STAM: variants seen among roughly 807,000 people sequenced by gnomAD.
STAM encodes the protein signal transducing adaptor molecule, also known as signal transducing adapter molecule 1.
A neutral mutation model predicts 63.4 loss-of-function variants in STAM; 16 were observed. The ratio of observed to expected loss-of-function variants is 0.25; its 90% CI spans 0.17 to 0.38. The LOEUF (loss-of-function observed/expected upper bound fraction) is 0.38. Among genes scored for constraint, STAM ranks in the 10% least tolerant of loss-of-function variants. STAM has a pLI of 1.00. For missense variants in STAM, 636 were observed against 657.1 expected (o/e 0.97, Z 0.35); for synonymous variants, 238 against 223.9 (o/e 1.06, Z -0.56).
chr10:17,651,060 G>C (rs568109960), intron 1 of STAM, among the ~76,000 whole-genome samples: 16 of 78,436 alleles, frequency 2.0e-4, no homozygotes, highest in African/African-American at 1.0e-3. Context: ...GCGAGAGTCC[G>C]TCTCAAAAAA....
rs1554829723 is a variant in STAM, at chr10:17,708,883, C to T, written c.1317C>T (p.Ser439=). The change falls in exon 13 of 14, where the codon AGC becomes AGT. Residue 439 remains serine, a synonymous_variant. Transcript: ENST00000377524. ...CCCCGGAGCAGCTGTCTTCTCTCAGCCAGGCAGTGGTCCCACCATCCGCAA... is the reference window on the plus strand; with the variant it reads ...CCCCGGAGCAGCTGTCTTCTCTCAGTCAGGCAGTGGTCCCACCATCCGCAA... ...SLPPEQLSSL[S]QAVVPPSANP... The T allele has an allele frequency of 1.9e-6, 3 of 1,614,076 alleles. No homozygotes were observed. The highest frequency in any genetic ancestry group is 2.5e-6 in the Non-Finnish European group (3 of 1,180,038).
intron 1 of STAM, among the ~76,000 whole-genome samples, chr10:17,647,661 T>A (rs776540257): frequency 6.6e-6 from 1 of 152,188 alleles, no homozygotes; most frequent in Non-Finnish European, 1.5e-5. Context: ...AGTTTCCTTA[T>A]CTTTAATATG....
chr10:17,713,681 C>T (rs1836665586), intron 13 of STAM, among the ~76,000 whole-genome samples: 1 of 152,086 alleles, frequency 6.6e-6, no homozygotes, highest in Non-Finnish European at 1.5e-5. Flanking sequence ...TAGACTCTGA[C>T]CCTTTCTCCC....
At chr10:17,686,245 T>G (rs550939105) in intron 4 of STAM, among the ~76,000 whole-genome samples, 12 of 152,314 alleles carry the variant, frequency 7.9e-5, no homozygotes, top group African/African-American at 2.9e-4. Context: ...GTGAAAAATG[T>G]GGTATACTTA....
chr10:17,683,847 T>C (rs1554825771), intron 2 of STAM, among the ~76,000 whole-genome samples: 3 of 152,242 alleles, frequency 2.0e-5, no homozygotes, highest in African/African-American at 7.2e-5. Context: ...TTTTATTGAA[T>C]GCTTAGTACT....
At chr10:17,702,581 G>A (rs1216544068) in intron 9 of STAM, among the ~76,000 whole-genome samples, 7 of 152,186 alleles carry the variant, frequency 4.6e-5, no homozygotes, top group Admixed American at 4.6e-4. Context: ...ATGTGAAGGG[G>A]TTTATGGGCT....
chr10:17,705,702 G>T lies in STAM; in HGVS notation c.1170G>T (p.Gln390His), dbSNP rs541611499. 1.2e-4 allele frequency: 201 copies of T among 1,613,688 alleles called. No individual in the cohort carries two copies. The highest frequency in any genetic ancestry group is 1.7e-4 in the Non-Finnish European group (196 of 1,179,916). The change falls in exon 12 of 14, where the codon CAG (glutamine) becomes CAT (histidine). Residue 390 changes from glutamine to histidine, a missense_variant. Transcript: ENST00000377524. Reference sequence around the variant, plus strand: ...CCATGTATGCAAAGTTACAGAATCAGCCATATTATATGCAGTCATCTGGTG... The same window carrying T: ...CCATGTATGCAAAGTTACAGAATCATCCATATTATATGCAGTCATCTGGTG... ...MYSMYAKLQNQPYYMQSSGVS... is the reference protein window; with the variant it reads ...MYSMYAKLQNHPYYMQSSGVS...
intron 1 of STAM, among the ~76,000 whole-genome samples, chr10:17,653,958 T>A (rs1266058270): frequency 6.6e-6 from 1 of 152,176 alleles, no homozygotes; most frequent in Non-Finnish European, 1.5e-5. Flanking sequence ...CTATGGTGAA[T>A]TATCAATCCT....
At chr10:17,652,704 A>T (rs895718835) in intron 1 of STAM, among the ~76,000 whole-genome samples, 6 of 152,188 alleles carry the variant, frequency 3.9e-5, no homozygotes, top group African/African-American at 1.4e-4. Context: ...AGAATGATGA[A>T]TTAATTATTA....
chr10:17,656,022 A>G (rs1183663950), intron 1 of STAM, among the ~76,000 whole-genome samples: 2 of 151,482 alleles, frequency 1.3e-5, no homozygotes, highest in East Asian at 1.9e-4. Context: ...ATTAGAAGGT[A>G]GTTTCCTCAC....
intron 1 of STAM, among the ~76,000 whole-genome samples, chr10:17,644,797 C>T (rs1311038678): frequency 1.3e-5 from 2 of 152,266 alleles, no homozygotes; most frequent in East Asian, 3.9e-4. Flanking sequence ...CTGGAACTGG[C>T]AGAATGTTTT....
intron 9 of STAM, among the ~76,000 whole-genome samples, chr10:17,700,765 A>C (rs1835958785): frequency 6.6e-6 from 1 of 151,774 alleles, no homozygotes; most frequent in African/African-American, 2.4e-5. Context: ...TTCCCAGCAT[A>C]CTCAACAAGG....
At position 17,714,624 on chromosome 10, in the gene STAM, T is replaced by C; in HGVS notation, c.1467T>C (p.Ala489=). The C allele has an allele frequency of 6.2e-7, 1 of 1,614,196 alleles. No homozygotes were observed. Among genetic ancestry groups the C allele is most frequent in the South Asian group, 1.1e-5 (1 of 91,080 alleles). ...VYSPPPAATA[A]AATADVTLYQ... ...GTCCTCCTCCTGCCGCTACTGCTGCTGCTGCAACTGCCGATGTCACTCTGT... is the reference window on the plus strand; with the variant it reads ...GTCCTCCTCCTGCCGCTACTGCTGCCGCTGCAACTGCCGATGTCACTCTGT... The change falls in exon 14 of 14, where the codon GCT becomes GCC. Residue 489 remains alanine (A), a synonymous_variant. Transcript: ENST00000377524.
At chr10:17,648,240 G>C (rs528091973) in intron 1 of STAM, among the ~76,000 whole-genome samples, 1 of 152,252 alleles carries the variant, frequency 6.6e-6, no homozygotes, top group Admixed American at 6.5e-5. Context: ...AAAATGCACC[G>C]ATCAGTGCTC....
intron 2 of STAM, among the ~76,000 whole-genome samples, chr10:17,664,627 C>T (rs1010305991): frequency 2.6e-5 from 4 of 152,062 alleles, no homozygotes; most frequent in Non-Finnish European, 5.9e-5. Flanking sequence ...ACCTGATGTG[C>T]TTTAGAGAAG....
intron 12 of STAM, among the ~76,000 whole-genome samples, chr10:17,706,070 A>T (rs1355617041): frequency 2.0e-5 from 3 of 152,076 alleles, no homozygotes; most frequent in Non-Finnish European, 2.9e-5. Context: ...TGTCTCTAAA[A>T]TAAATAAATA....
In STAM at chr10:17,644,191, G is replaced by T; in HGVS notation, c.-149G>T. Reference sequence around the variant, plus strand: ...CGCCGCAGCTGCTGCCGCGGTTGGTGGGGTTGGGTGAGAGGAGGAGCTGTC... The same window carrying T: ...CGCCGCAGCTGCTGCCGCGGTTGGTTGGGTTGGGTGAGAGGAGGAGCTGTC... On this transcript the variant is annotated 5_prime_UTR_variant, in exon 1 of 14. Coordinates refer to ENST00000377524, the MANE Select transcript of STAM (RefSeq NM_003473.4). 1 of 780,950 alleles carries T rather than the reference G, an allele frequency of 1.3e-6. No individual in the cohort carries two copies. The highest frequency in any genetic ancestry group is 2.1e-6 in the Non-Finnish European group (1 of 471,760). 48.4% of individuals were successfully genotyped at this position (780,950 alleles called of 1,614,324 possible).
intron 2 of STAM, among the ~76,000 whole-genome samples, chr10:17,677,416 T>C (rs1447435207): frequency 1.3e-5 from 2 of 152,214 alleles, no homozygotes; most frequent in East Asian, 3.8e-4. Context: ...TATTTTTTAC[T>C]GATTTTAATT....
chr10:17,707,818 C>T (rs1160735205), intron 12 of STAM, among the ~76,000 whole-genome samples: 3 of 150,718 alleles, frequency 2.0e-5, no homozygotes, highest in African/African-American at 7.3e-5. Context: ...AGACTTCAAT[C>T]TCTTTAGATT....
Sources: gnomAD v4.1 joint callset for allele counts (sites outside exome capture counted in the v4.1 genomes callset) on GRCh38, gnomAD v4.1.1 for gene constraint, MANE v1.5 for transcripts, NCBI Gene and HGNC (gene_info 2026-07-23, HGNC 2026-07-21) for gene names.